Variants in NCKAP5 observed in about 807,000 individuals in gnomAD.
NCKAP5 encodes the protein nck-associated protein 5.
In NCKAP5, 92 loss-of-function variants were observed where a neutral mutation model predicts 167.0. The ratio of observed to expected loss-of-function variants is 0.55; its 90% confidence interval spans 0.47 to 0.66. NCKAP5 has a LOEUF of 0.66. NCKAP5 is among the 30% of genes least tolerant of loss of function. The probability of loss-of-function intolerance (pLI) is 0.00; values close to 1 mark genes in which losing one functional copy is unlikely to be tolerated. For synonymous variants in NCKAP5, 891 were observed against 877.4 expected (o/e 1.02, Z -0.27); for missense variants, 2,378 against 2,315.0 (o/e 1.03, Z -0.56).
At chr2:132,833,422 C>G (rs1048872414) in intron 11 of NCKAP5, among the ~76,000 whole-genome samples, 2 of 151,886 alleles carry the variant, frequency 1.3e-5, no homozygotes, top group Non-Finnish European at 2.9e-5. Flanking sequence ...CTTTTGAAGT[C>G]TTATCCATAA....
chr2:133,137,452 T>G (rs942602316), intron 5 of NCKAP5, among the ~76,000 whole-genome samples: 2 of 113,306 alleles, frequency 1.8e-5, no homozygotes, highest in Non-Finnish European at 3.7e-5. Context: ...GTGTGTGTGT[T>G]TTGGAAAAGA....
At chr2:133,625,259 A>G in the NCKAP5 span, among the ~76,000 whole-genome samples, 3 of 152,206 alleles carry the variant, frequency 2.0e-5, no homozygotes, top group Admixed American at 2.0e-4. Context: ...TGTGAATCAG[A>G]ATAATCTACA....
chr2:133,003,165 G>A (rs1414394189), intron 6 of NCKAP5, among the ~76,000 whole-genome samples: 1 of 152,158 alleles, frequency 6.6e-6, no homozygotes, highest in Non-Finnish European at 1.5e-5. Flanking sequence ...ACTAATCTCT[G>A]CCAAGACAGC....
rs191124667 is a variant in NCKAP5, at chr2:133,376,388, C to T, written c.70-73278G>A. On this transcript the variant is annotated intron_variant, in intron 3 of 19. Transcript: ENST00000409261. ...AAACAAGGAATCTGGGAATCATCCT[C>T]GACTCCTCCTTCTCCCCCGTTTGCC... Among the ~76,000 whole-genome samples, 125 of 152,266 alleles carry T rather than the reference C, an allele frequency of 8.2e-4. 1 individual carries two copies. The highest frequency in any genetic ancestry group is 2.8e-3 in the African/African-American group (117 of 41,560).
intron 3 of NCKAP5, among the ~76,000 whole-genome samples, chr2:133,460,371 C>T (rs543698194): frequency 6.6e-6 from 1 of 152,064 alleles, no homozygotes; most frequent in Non-Finnish European, 1.5e-5. Context: ...AAGAAGAAGG[C>T]CAATATATTT....
intron 11 of NCKAP5, among the ~76,000 whole-genome samples, chr2:132,802,037 C>T (rs561625143): frequency 5.9e-5 from 9 of 152,314 alleles, no homozygotes; most frequent in South Asian, 2.1e-4. Context: ...CGTAGACTCC[C>T]GAAGTGCTAG....
intron 16 of NCKAP5, among the ~76,000 whole-genome samples, chr2:132,762,996 C>T (rs1452171761): frequency 6.6e-6 from 1 of 152,130 alleles, no homozygotes; most frequent in African/African-American, 2.4e-5. Flanking sequence ...GGTTGTCTAT[C>T]CTTTCATATG....
At chr2:133,138,031 A>T (rs1262622457) in intron 5 of NCKAP5, among the ~76,000 whole-genome samples, 1 of 152,148 alleles carries the variant, frequency 6.6e-6, no homozygotes. Context: ...AGTGGAGGGA[A>T]AGGGGAAGGG....
At chr2:133,543,258 T>C (rs1046284863) in intron 2 of NCKAP5, among the ~76,000 whole-genome samples, 5 of 152,124 alleles carry the variant, frequency 3.3e-5, no homozygotes, top group African/African-American at 1.2e-4. Context: ...GGCTCCCCCT[T>C]TGTCTTCCAC....
chr2:132,716,817 C>T (rs1251906799), intron 19 of NCKAP5, among the ~76,000 whole-genome samples: 1 of 152,146 alleles, frequency 6.6e-6, no homozygotes, highest in African/African-American at 2.4e-5. Context: ...TAAGGGCCTC[C>T]CAATATGCAA....
chr2:133,491,495 G>A (rs771910885), intron 3 of NCKAP5, among the ~76,000 whole-genome samples: 1 of 152,168 alleles, frequency 6.6e-6, no homozygotes, highest in Non-Finnish European at 1.5e-5. Flanking sequence ...CTAAGCAAAC[G>A]TAGGCTAGGG....
rs1261918924 is a variant in NCKAP5 at position 132,860,539 on chromosome 2, T to G, written c.760A>C (p.Ile254Leu). Residue 254 changes from isoleucine to leucine, a missense_variant, in exon 11 of 20, where the codon ATC (isoleucine) becomes CTC (leucine). By Grantham distance (5) the Ile-to-Leu change is conservative (BLOSUM62 2). Transcript: ENST00000409261. ...DLEQQNRTLS[I>L]LFQQRVRPTS... Reference sequence around the variant, plus strand: ...GGTCTGACTCGCTGTTGGAATAGGATGCTTAGTGTTCGATTCTGCTGTTCC... The same window carrying G: ...GGTCTGACTCGCTGTTGGAATAGGAGGCTTAGTGTTCGATTCTGCTGTTCC... 6 of 1,588,300 alleles carry G rather than the reference T, an allele frequency of 3.8e-6. No homozygotes were observed. Among genetic ancestry groups the G allele is most frequent in the Non-Finnish European group, 5.1e-6 (6 of 1,165,356 alleles).
At chr2:133,158,297 A>C (rs184693756) in intron 5 of NCKAP5, among the ~76,000 whole-genome samples, 1 of 152,332 alleles carries the variant, frequency 6.6e-6, no homozygotes, top group African/African-American at 2.4e-5. Flanking sequence ...TATGAAGAAA[A>C]CAAACTGCTG....
intron 3 of NCKAP5, among the ~76,000 whole-genome samples, chr2:133,358,346 A>G (rs1354445349): frequency 2.0e-5 from 3 of 152,178 alleles, no homozygotes; most frequent in African/African-American, 7.2e-5. Context: ...TGGGAGGCCA[A>G]GGCAAGACAA....
chr2:132,801,219 T>TGGAAGAAAGCCACTCTGGG (rs1234545705), intron 11 of NCKAP5, among the ~76,000 whole-genome samples: 2 of 152,106 alleles, frequency 1.3e-5, no homozygotes, highest in East Asian at 3.9e-4. Flanking sequence ...AATTCTCAAT[T>TGGAAGAAAGCCACTCTGGG]GGAAGAAAGC....
chr2:133,628,028 C>T, the NCKAP5 span, among the ~76,000 whole-genome samples: 6 of 152,292 alleles, frequency 3.9e-5, no homozygotes, highest in African/African-American at 1.2e-4. Context: ...AAACCCACAA[C>T]CAATATCATA....
the NCKAP5 span, among the ~76,000 whole-genome samples, chr2:133,588,192 A>T: frequency 6.6e-6 from 1 of 152,090 alleles, no homozygotes; most frequent in East Asian, 1.9e-4. Context: ...TGGAAATACT[A>T]TTCTAATGTA....
intron 4 of NCKAP5, among the ~76,000 whole-genome samples, chr2:133,292,279 A>G (rs950779562): frequency 6.0e-5 from 9 of 151,238 alleles, no homozygotes; most frequent in Non-Finnish European, 8.8e-5. Flanking sequence ...ATGGTAAATT[A>G]CCCATTTCAT....
chr2:133,582,491 A>C, the NCKAP5 span, among the ~76,000 whole-genome samples: 1 of 152,158 alleles, frequency 6.6e-6, no homozygotes, highest in African/African-American at 2.4e-5. Context: ...TCTCTCCTCA[A>C]GGGTGTTACT....
Sources: allele counts gnomAD v4.1 joint callset (sites outside exome capture counted in the v4.1 genomes callset), GRCh38; gene constraint gnomAD v4.1.1; transcripts MANE v1.5; gene names NCBI Gene and HGNC (gene_info 2026-07-23, HGNC 2026-07-21).